Variants in PSPC1 observed in about 807,000 individuals in gnomAD.
The protein encoded by PSPC1 is paraspeckle protein 1.
PSPC1 carries 14 observed loss-of-function variants against 51.6 expected under a neutral mutation model. The observed-to-expected ratio is 0.27, with a 90% confidence interval of 0.18 to 0.42. The LOEUF is 0.42. Ranked by LOEUF, PSPC1 falls within the 10% of genes least tolerant of loss-of-function variation. The pLI, the probability that PSPC1 is intolerant of heterozygous loss-of-function variation, is 1.00. For missense variants in PSPC1, 406 were observed against 701.1 expected (o/e 0.58, Z 4.75); for synonymous variants, 193 against 231.9 (o/e 0.83, Z 1.53).
intron 6 of PSPC1, among the ~76,000 whole-genome samples, chr13:19,689,504 TATC>T (rs1360909954): frequency 6.6e-6 from 1 of 152,226 alleles, no homozygotes; most frequent in Admixed American, 6.5e-5. Flanking sequence ...ACCAAAATTA[TATC>T]ATAATGTCAA....
intron 6 of PSPC1, among the ~76,000 whole-genome samples, chr13:19,691,559 TACTGATAAAATTG>T (rs1565962671): frequency 6.6e-6 from 1 of 151,838 alleles, no homozygotes; most frequent in Non-Finnish European, 1.5e-5. Flanking sequence ...CAAATAAATA[TACTGATAAAATTG>T]ACATGAATGA....
At chr13:19,750,916 C>T (rs548954776) in intron 4 of PSPC1, among the ~76,000 whole-genome samples, 5 of 152,038 alleles carry the variant, frequency 3.3e-5, no homozygotes, top group Admixed American at 2.6e-4. Flanking sequence ...ATTACAGGTG[C>T]GCACCACCAC....
At chr13:19,675,539 C>T (rs1876543052) in intron 7 of PSPC1, 1 of 151,482 alleles carries the variant, frequency 6.6e-6, no homozygotes, top group Non-Finnish European at 1.5e-5. Flanking sequence ...TATGATTGCC[C>T]AGACATCCAT....
chr13:19,779,279 T>TC (rs1555252721), intron 1 of PSPC1, among the ~76,000 whole-genome samples: 3 of 32,652 alleles, frequency 9.2e-5, no homozygotes, highest in South Asian at 4.2e-3. Context: ...GGGAGGGAGG[T>TC]GGGGGGGGTC....
chr13:19,762,283 C>T (rs986899538), intron 2 of PSPC1, among the ~76,000 whole-genome samples: 10 of 152,184 alleles, frequency 6.6e-5, no homozygotes, highest in South Asian at 4.1e-4. Flanking sequence ...TCAGGCTGGG[C>T]GTGGTGGCTC....
intron 6 of PSPC1, among the ~76,000 whole-genome samples, chr13:19,718,842 C>T (rs1882428460): frequency 6.6e-6 from 1 of 152,236 alleles, no homozygotes; most frequent in Non-Finnish European, 1.5e-5. Context: ...AATTTAAATG[C>T]ACATTGCCAG....
At chr13:19,698,532 T>C (rs1378134974), downstream of PSPC1, among the ~76,000 whole-genome samples, 3 of 151,938 alleles carry the variant, frequency 2.0e-5, no homozygotes, top group African/African-American at 7.2e-5. Flanking sequence ...CATTTCCACT[T>C]GAACCTACTT....
Position 19,722,045 on chromosome 13 carries a change from A to C in PSPC1, c.1158+8194T>G, listed in dbSNP as rs149739705. On this transcript the variant is annotated intron_variant, in intron 6 of 8. Coordinates refer to ENST00000338910, the MANE Select transcript of PSPC1 (RefSeq NM_001354909.2). ...ATTGGCATTTGAAAAACAAGACTTC[A>C]AACAGCTACTTAATTCTCTCAGTTT... is the stretch of plus-strand genomic sequence containing the variant. 2.2e-3 allele frequency among the ~76,000 whole-genome samples: 341 copies of C among 152,374 alleles called. 7 individuals are homozygous for C. The highest frequency in any genetic ancestry group is 0.019 in the Admixed American group (287 of 15,306).
At chr13:19,766,132 G>A (rs528603558) in intron 2 of PSPC1, among the ~76,000 whole-genome samples, 1 of 152,322 alleles carries the variant, frequency 6.6e-6, no homozygotes, top group East Asian at 1.9e-4. Flanking sequence ...CAGGACTTTG[G>A]GAGGCTGAGG....
intron 6 of PSPC1, among the ~76,000 whole-genome samples, chr13:19,711,984 G>A (rs966018338): frequency 1.3e-5 from 2 of 152,068 alleles, no homozygotes; most frequent in African/African-American, 4.8e-5. Flanking sequence ...TCACTACTTA[G>A]AAACTACTGA....
intron 6 of PSPC1, among the ~76,000 whole-genome samples, chr13:19,723,550 C>T (rs1456780358): frequency 2.0e-5 from 3 of 152,150 alleles, no homozygotes; most frequent in African/African-American, 4.8e-5. Context: ...AAAAATTCTA[C>T]GGTTTCCCAC....
intron 2 of PSPC1, among the ~76,000 whole-genome samples, chr13:19,771,782 G>A (rs1048211183): frequency 7.9e-5 from 12 of 151,990 alleles, no homozygotes; most frequent in African/African-American, 1.2e-4. Context: ...CACCACGCCC[G>A]GCTAATTTTT....
chr13:19,725,996 A>T (rs920510663), intron 6 of PSPC1, among the ~76,000 whole-genome samples: 5 of 152,124 alleles, frequency 3.3e-5, no homozygotes, highest in Non-Finnish European at 7.3e-5. Flanking sequence ...CAAAAGAAAG[A>T]AAAAAATGAA....
At chr13:19,749,407 G>A (rs569172757) in intron 4 of PSPC1, among the ~76,000 whole-genome samples, 1 of 151,412 alleles carries the variant, frequency 6.6e-6, no homozygotes, top group Non-Finnish European at 1.5e-5. Flanking sequence ...GTAGTCCCAG[G>A]GAGGGTGTAC....
intron 7 of PSPC1, among the ~76,000 whole-genome samples, chr13:19,677,370 CTA>C (rs981771243): frequency 6.6e-6 from 1 of 152,082 alleles, no homozygotes; most frequent in Non-Finnish European, 1.5e-5. Context: ...TCCAAGACCT[CTA>C]TGTCATTTCC....
chr13:19,759,057 C>G (rs528445152), intron 3 of PSPC1, among the ~76,000 whole-genome samples: 1 of 151,130 alleles, frequency 6.6e-6, no homozygotes, highest in South Asian at 2.1e-4. Flanking sequence ...GTCTGAGGCA[C>G]GAGAATCACT....
downstream of PSPC1, among the ~76,000 whole-genome samples, chr13:19,701,606 C>T (rs933095923): frequency 4.6e-5 from 7 of 152,062 alleles, no homozygotes; most frequent in Admixed American, 6.6e-5. Flanking sequence ...TGAAAGAGTA[C>T]GTATGAAAAT....
At chr13:19,744,026 T>C (rs984603167) in intron 4 of PSPC1, among the ~76,000 whole-genome samples, 10 of 152,170 alleles carry the variant, frequency 6.6e-5, no homozygotes, top group African/African-American at 2.2e-4. Flanking sequence ...GAGAATCACT[T>C]GAACCCGGGA....
intron 2 of PSPC1, among the ~76,000 whole-genome samples, chr13:19,767,690 T>C (rs975679419): frequency 7.2e-5 from 11 of 152,082 alleles, no homozygotes; most frequent in Non-Finnish European, 1.2e-4. Flanking sequence ...ATTTTTTCAA[T>C]TAATGGTGCT....
Sources: allele counts gnomAD v4.1 joint callset (sites outside exome capture counted in the v4.1 genomes callset), GRCh38; gene constraint gnomAD v4.1.1; transcripts MANE v1.5; gene names NCBI Gene and HGNC (gene_info 2026-07-23, HGNC 2026-07-21).